SUGCT: variants seen among roughly 807,000 people sequenced by gnomAD.
SUGCT encodes the protein succinyl-CoA:glutarate CoA-transferase.
SUGCT carries 41 observed loss-of-function variants against 55.0 expected under a neutral mutation model. The observed-to-expected ratio is 0.74, with a 90% CI of 0.58 to 0.97. The LOEUF (loss-of-function observed/expected upper bound fraction) is 0.97. Ranked by LOEUF, SUGCT falls within the 50% of genes least tolerant of loss-of-function variation. The pLI, the probability that SUGCT is intolerant of heterozygous loss-of-function variation, is 0.00. For missense variants in SUGCT, 568 were observed against 547.8 expected (o/e 1.04, Z -0.37); for synonymous variants, 187 against 200.4 (o/e 0.93, Z 0.56).
intron 12 of SUGCT, among the ~76,000 whole-genome samples, chr7:40,748,469 A>G (rs563299081): frequency 6.6e-6 from 1 of 151,666 alleles, no homozygotes; most frequent in African/African-American, 2.4e-5. Flanking sequence ...AGAGTTTTGT[A>G]TTGGTTTATT....
rs190541121 is a variant in SUGCT, at chr7:40,183,939, C to T, written c.226+1911C>T. 1.3e-4 allele frequency among the ~76,000 whole-genome samples: 20 copies of T among 152,156 alleles called. No individual in the cohort carries two copies. In the East Asian group the frequency reaches 1.5e-3, roughly 12 times the overall value. ...CTGTAGTCCCAACATTTTGGGAGGA[C>T]GAGGTGGGCGGATCGTTTGAGCCCA... On this transcript the variant is annotated intron_variant, in intron 3 of 13. Transcript: ENST00000335693.
At chr7:40,522,514 T>C (rs1159739046) in intron 12 of SUGCT, among the ~76,000 whole-genome samples, 2 of 152,126 alleles carry the variant, frequency 1.3e-5, no homozygotes, top group African/African-American at 2.4e-5. Context: ...TATTCTATCA[T>C]ACTATCCCTG....
At chr7:40,559,573 T>G (rs778459160) in intron 12 of SUGCT, among the ~76,000 whole-genome samples, 3 of 152,246 alleles carry the variant, frequency 2.0e-5, no homozygotes, top group Non-Finnish European at 4.4e-5. Context: ...GTGTATTTGT[T>G]TATGAGATAG....
chr7:40,692,351 C>T (rs150072448), intron 12 of SUGCT, among the ~76,000 whole-genome samples: 241 of 152,188 alleles, frequency 1.6e-3, no homozygotes, highest in African/African-American at 5.3e-3. Context: ...ATTACTTTGC[C>T]AGGTTAAGAG....
At chr7:40,719,923 G>A (rs753502782) in intron 12 of SUGCT, among the ~76,000 whole-genome samples, 1 of 152,114 alleles carries the variant, frequency 6.6e-6, no homozygotes, top group African/African-American at 2.4e-5. Flanking sequence ...AGCCTCCTGA[G>A]TAGCTGGGAT....
At chr7:40,821,243 C>T (rs1010369032) in intron 13 of SUGCT, among the ~76,000 whole-genome samples, 22 of 152,114 alleles carry the variant, frequency 1.4e-4, no homozygotes, top group Non-Finnish European at 2.8e-4. Context: ...TGTTGTGTCT[C>T]TGCCAGGCTT....
chr7:40,267,043 A>AC (rs1217157098), intron 7 of SUGCT, among the ~76,000 whole-genome samples: 12 of 151,946 alleles, frequency 7.9e-5, no homozygotes, highest in African/African-American at 2.2e-4. Context: ...CAAACAAAAA[A>AC]AAAAAAGGAA....
intron 11 of SUGCT, among the ~76,000 whole-genome samples, chr7:40,489,733 A>AC (rs1554349781): frequency 3.3e-5 from 5 of 151,852 alleles, no homozygotes; most frequent in East Asian, 1.9e-4. Context: ...CAAAACAAAA[A>AC]ACACACACAC....
At chr7:40,892,542 G>GC in the SUGCT span, among the ~76,000 whole-genome samples, 1 of 151,912 alleles carries the variant, frequency 6.6e-6, no homozygotes, top group Non-Finnish European at 1.5e-5. Context: ...TAAAATTAAA[G>GC]TTTTTTTTAG....
At chr7:40,365,372 T>C (rs1244499244) in intron 9 of SUGCT, among the ~76,000 whole-genome samples, 1 of 151,650 alleles carries the variant, frequency 6.6e-6, no homozygotes, top group Non-Finnish European at 1.5e-5. Context: ...ATGCCCTCTC[T>C]CACCACTCCT....
chr7:40,174,637 T>C (rs1784835682), intron 1 of SUGCT, among the ~76,000 whole-genome samples: 1 of 152,168 alleles, frequency 6.6e-6, no homozygotes, highest in East Asian at 1.9e-4. Context: ...GCCCAGACCT[T>C]GTCTCTCAAA....
At chr7:40,266,867 T>C (rs142427964) in intron 7 of SUGCT, among the ~76,000 whole-genome samples, 2,428 of 151,928 alleles carry the variant, frequency 0.016, 56 homozygotes, top group African/African-American at 0.056. Flanking sequence ...ATAAAAAAAT[T>C]AGCCGGGCAT....
chr7:40,476,162 T>A (rs75659461), intron 11 of SUGCT, among the ~76,000 whole-genome samples: 1 of 152,168 alleles, frequency 6.6e-6, no homozygotes, highest in Non-Finnish European at 1.5e-5. Context: ...GAATTAAATG[T>A]CTATGTCTAT....
intron 9 of SUGCT, among the ~76,000 whole-genome samples, chr7:40,342,168 G>C (rs1228440876): frequency 6.6e-6 from 1 of 152,194 alleles, no homozygotes; most frequent in African/African-American, 2.4e-5. Context: ...CTCCAACTCA[G>C]CCAAAGGGAG....
chr7:40,457,425 C>T, intron 10 of SUGCT, among the ~76,000 whole-genome samples: 1 of 151,740 alleles, frequency 6.6e-6, no homozygotes, highest in Non-Finnish European at 1.5e-5. Context: ...GCCTACGCAG[C>T]AGTGTGAGAC....
At position 40,356,054 on chromosome 7, in the gene SUGCT, A is replaced by C. The variant is rs544058967; in HGVS notation, c.816+39199A>C. 2.6e-5 allele frequency among the ~76,000 whole-genome samples: 4 copies of C among 152,348 alleles called. No homozygotes were observed. In the South Asian group the frequency reaches 8.3e-4, roughly 32 times the overall value. On this transcript the variant is annotated intron_variant, in intron 9 of 13. Coordinates refer to ENST00000335693, the MANE Select transcript of SUGCT (RefSeq NM_001193313.2). ...CGTTAAATGGATTTTGAAATATGGA[A>C]ATTTCCTTTGCACTTGCATCAAGGT...
At chr7:40,487,079 T>C (rs1181873415) in intron 11 of SUGCT, among the ~76,000 whole-genome samples, 2 of 72,434 alleles carry the variant, frequency 2.8e-5, no homozygotes, top group African/African-American at 1.9e-4. Context: ...GATTTCAATC[T>C]TTTTTTTTTT....
chr7:40,530,123 A>G (rs966038473), intron 12 of SUGCT, among the ~76,000 whole-genome samples: 2 of 152,124 alleles, frequency 1.3e-5, no homozygotes, highest in Non-Finnish European at 2.9e-5. Context: ...CCCTAACTCA[A>G]GTACCTCAGT....
At chr7:40,485,090 C>T (rs1276935808) in intron 11 of SUGCT, among the ~76,000 whole-genome samples, 1 of 152,004 alleles carries the variant, frequency 6.6e-6, no homozygotes, top group African/African-American at 2.4e-5. Context: ...CAGAGCCTTG[C>T]ATTTACTAAA....
Sources: allele counts gnomAD v4.1 joint callset (sites outside exome capture counted in the v4.1 genomes callset), GRCh38; gene constraint gnomAD v4.1.1; transcripts MANE v1.5; gene names NCBI Gene and HGNC (gene_info 2026-07-23, HGNC 2026-07-21).